DROSHA: variants seen among roughly 807,000 people sequenced by gnomAD.
The protein encoded by DROSHA is drosha ribonuclease III, also known as ribonuclease 3.
A neutral mutation model predicts 181.9 loss-of-function variants in DROSHA; 56 were observed. The observed-to-expected ratio is 0.31, with a 90% CI of 0.25 to 0.38. DROSHA has a LOEUF of 0.38. DROSHA is among the 10% of genes least tolerant of loss of function. DROSHA has a pLI of 1.00. For synonymous variants in DROSHA, 524 were observed against 591.2 expected, an observed-to-expected ratio of 0.89 and a Z score of 1.65; for missense variants, 1,218 against 1,743.5, an observed-to-expected ratio of 0.70 and a Z score of 5.37.
At position 31,450,372 on chromosome 5, in the gene DROSHA, C is replaced by T. The variant is rs568836527; in HGVS notation, c.2683-953G>A. Reference sequence around the variant, plus strand: ...AGAAGTCATTATATCAAAAAGACACCTGCACTTCTATGCTTATTGCAGCAC... The same window carrying T: ...AGAAGTCATTATATCAAAAAGACACTTGCACTTCTATGCTTATTGCAGCAC... On this transcript the variant is annotated intron_variant, in intron 21 of 35. Transcript: ENST00000344624. 3.3e-5 allele frequency among the ~76,000 whole-genome samples: 5 copies of T among 152,268 alleles called. No homozygotes were observed. The East Asian group carries it at 9.6e-4, about 29-fold the overall frequency.
At chr5:31,445,309 T>C (rs1461842547) in intron 23 of DROSHA, among the ~76,000 whole-genome samples, 1 of 152,198 alleles carries the variant, frequency 6.6e-6, no homozygotes, top group Non-Finnish European at 1.5e-5. Context: ...AATGAGTTTA[T>C]ACAGACCTAG....
At chr5:31,507,670 G>C (rs1738153671) in intron 10 of DROSHA, among the ~76,000 whole-genome samples, 2 of 151,768 alleles carry the variant, frequency 1.3e-5, no homozygotes, top group Admixed American at 6.6e-5. Flanking sequence ...ATTTTACGGG[G>C]GACAAAAAAT....
chr5:31,403,057 C>G (rs1313874867), intron 35 of DROSHA, among the ~76,000 whole-genome samples: 1 of 152,192 alleles, frequency 6.6e-6, no homozygotes, highest in East Asian at 1.9e-4. Flanking sequence ...AAGGCATGAG[C>G]CACCATGCCC....
intron 23 of DROSHA, among the ~76,000 whole-genome samples, chr5:31,447,726 T>C (rs957311963): frequency 6.6e-6 from 1 of 152,134 alleles, no homozygotes; most frequent in Non-Finnish European, 1.5e-5. Flanking sequence ...GATGAACAAA[T>C]AGTCAATAAG....
At chr5:31,465,211 C>T (rs1748869089) in intron 19 of DROSHA, among the ~76,000 whole-genome samples, 2 of 152,138 alleles carry the variant, frequency 1.3e-5, no homozygotes, top group Admixed American at 1.3e-4. Flanking sequence ...CTTACACAAC[C>T]CCAGCAGAAT....
intron 25 of DROSHA, among the ~76,000 whole-genome samples, chr5:31,433,426 G>A (rs894596954): frequency 9.2e-5 from 14 of 152,220 alleles, no homozygotes; most frequent in African/African-American, 2.9e-4. Context: ...CAAGCAGACC[G>A]CAAGCCATAT....
rs2150028270 is a variant in DROSHA, at chr5:31,470,672, A to C, written c.2241+1391T>G. On this transcript the variant is annotated intron_variant, in intron 17 of 35. Transcript: ENST00000344624. The surrounding 1 kb of genome is among the most constrained non-coding windows in gnomAD (Gnocchi z 4.0). Reference sequence around the variant, plus strand: ...TGGGCCTCACTGCCTGGAGTATATAAGGTAGCTATATCCTTAAGCCAGGGT... The same window carrying C: ...TGGGCCTCACTGCCTGGAGTATATACGGTAGCTATATCCTTAAGCCAGGGT... Among the ~76,000 whole-genome samples, 1 of 152,254 alleles carries C rather than the reference A, an allele frequency of 6.6e-6. No homozygotes were observed. The highest frequency in any genetic ancestry group is 1.5e-5 in the Non-Finnish European group (1 of 68,024).
intron 16 of DROSHA, among the ~76,000 whole-genome samples, chr5:31,478,475 G>A (rs1182207368): frequency 5.9e-5 from 9 of 152,194 alleles, no homozygotes; most frequent in African/African-American, 1.9e-4. Flanking sequence ...GATGGCTCAC[G>A]CCTTTAATCC....
chr5:31,511,737 A>T lies in DROSHA; in HGVS notation c.1291-561T>A, dbSNP rs143172935. On this transcript the variant is annotated intron_variant, in intron 8 of 35. Transcript: ENST00000344624. ...CAGAAAAGAAACATTAGAACAGTTC[A>T]TCTATGCCCTATTAATATGACATTT... Among the ~76,000 whole-genome samples, 830 of 151,878 alleles carry T rather than the reference A, an allele frequency of 5.5e-3. 8 individuals are homozygous for T. Among genetic ancestry groups the T allele is most frequent in the African/African-American group, 0.019 (781 of 41,450 alleles).
At chr5:31,521,787 G>A (rs1442800573) in intron 5 of DROSHA, among the ~76,000 whole-genome samples, 2 of 151,808 alleles carry the variant, frequency 1.3e-5, no homozygotes, top group African/African-American at 4.8e-5. Flanking sequence ...AGAGATGTTG[G>A]GCTTACTTAA....
chr5:31,520,894 G>A (rs1009506312), intron 6 of DROSHA, among the ~76,000 whole-genome samples: 6 of 152,080 alleles, frequency 3.9e-5, no homozygotes, highest in Admixed American at 3.9e-4. Flanking sequence ...AGAAAAAGTG[G>A]TCTGTATAAT....
chr5:31,437,742 C>T (rs1745056515), intron 23 of DROSHA, among the ~76,000 whole-genome samples: 1 of 152,154 alleles, frequency 6.6e-6, no homozygotes, highest in Non-Finnish European at 1.5e-5. Context: ...TGAAGTCCTT[C>T]AAAATAAGTG....
At chr5:31,494,970 G>A (rs567189751) in intron 12 of DROSHA, among the ~76,000 whole-genome samples, 46 of 152,198 alleles carry the variant, frequency 3.0e-4, no homozygotes, top group Middle Eastern at 6.8e-3. Flanking sequence ...CACCGCGCCC[G>A]GCCACCATTC....
intron 3 of DROSHA, 127 bp from the exon 4 acceptor site, chr5:31,529,232 T>C: frequency 1.3e-6 from 1 of 751,506 alleles, no homozygotes; most frequent in South Asian, 1.9e-5. Flanking sequence ...CAAACAAAAT[T>C]AAAAGCATGT....
chr5:31,471,684 G>C, intron 17 of DROSHA, among the ~76,000 whole-genome samples: 1 of 151,990 alleles, frequency 6.6e-6, no homozygotes, highest in Non-Finnish European at 1.5e-5. Flanking sequence ...ATACAAAACT[G>C]AACTAAGACA....
Position 31,436,726 on chromosome 5 carries a change from A to G in DROSHA, c.2942+513T>C, listed in dbSNP as rs1744845334. ...GTACTTTCAAATTAAGGATCCTAAA[A>G]CACTTCTGGAGAGAAACACACACAC... On this transcript the variant is annotated intron_variant, in intron 24 of 35. Transcript: ENST00000344624. Among the ~76,000 whole-genome samples the G allele has an allele frequency of 2.0e-5, 3 of 148,744 alleles. No individual in the cohort carries two copies. In the South Asian group the frequency reaches 6.4e-4, roughly 32 times the overall value.
rs1468886940 is a variant in DROSHA, at chr5:31,409,004, A to C, written c.3854+52T>G. On this transcript the variant is annotated intron_variant, in intron 33 of 35. Transcript: ENST00000344624. This position sits in a 1 kb window ranked among gnomAD's most constrained non-coding sequence, Gnocchi z 4.0. ...CATTCTTCAAGGCACATGGAAAGTC[A>C]ATTTTAGGCATGCTGGATCCAACCA... 1 of 1,551,528 alleles carries C rather than the reference A, an allele frequency of 6.4e-7. No homozygotes were observed. The highest frequency in any genetic ancestry group is 1.8e-5 in the Admixed American group (1 of 56,322).
chr5:31,425,535 T>G (rs970160539), intron 27 of DROSHA, among the ~76,000 whole-genome samples: 4 of 152,264 alleles, frequency 2.6e-5, no homozygotes, highest in Middle Eastern at 3.4e-3. Context: ...TTATCAAACT[T>G]CGGGCCCTTG....
chr5:31,526,948 T>A (rs748513360), intron 4 of DROSHA, 36 bp from the exon 5 acceptor site: 5 of 1,565,806 alleles, frequency 3.2e-6, no homozygotes, highest in South Asian at 2.3e-5. Context: ...AAAGTTTTTT[T>A]AAAAAATAAT....
Sources: allele counts gnomAD v4.1 joint callset (sites outside exome capture counted in the v4.1 genomes callset), GRCh38; gene constraint gnomAD v4.1.1; non-coding constraint Gnocchi (gnomAD v3.1); transcripts MANE v1.5; gene names NCBI Gene and HGNC (gene_info 2026-07-23, HGNC 2026-07-21).